CDH13: variants seen among roughly 807,000 people sequenced by gnomAD.
The protein encoded by CDH13 is cadherin-13.
CDH13 carries 24 observed loss-of-function variants against 63.8 expected under a neutral mutation model. The observed-to-expected ratio is 0.38, with a 90% CI of 0.27 to 0.53. The LOEUF (loss-of-function observed/expected upper bound fraction) is 0.53. CDH13 is among the 20% of genes least tolerant of loss of function. CDH13 has a pLI of 0.85. For missense variants in CDH13, 1,049 were observed against 903.1 expected, an observed-to-expected ratio of 1.16 and a Z score of -2.07; for synonymous variants, 503 against 355.3, an observed-to-expected ratio of 1.42 and a Z score of -4.67.
chr16:83,703,850 A>G (rs553692282), intron 10 of CDH13, among the ~76,000 whole-genome samples: 12 of 152,306 alleles, frequency 7.9e-5, no homozygotes, highest in African/African-American at 2.6e-4. Context: ...TGACTCCATA[A>G]TAGGCACGAA....
intron 1 of CDH13, among the ~76,000 whole-genome samples, chr16:82,666,701 A>G (rs1015813464): frequency 2.0e-5 from 3 of 152,234 alleles, no homozygotes; most frequent in East Asian, 1.9e-4. Context: ...TGTGGTGCAT[A>G]TCACAATGTA....
chr16:82,776,221 G>T (rs1004347771), intron 1 of CDH13, among the ~76,000 whole-genome samples: 3 of 149,548 alleles, frequency 2.0e-5, no homozygotes, highest in Non-Finnish European at 4.5e-5. Flanking sequence ...AAGGAAGGAA[G>T]GGATGAAGGA....
chr16:82,998,223 A>G (rs1941441652), intron 2 of CDH13, among the ~76,000 whole-genome samples: 1 of 152,208 alleles, frequency 6.6e-6, no homozygotes, highest in African/African-American at 2.4e-5. Context: ...TCCCTAGAAT[A>G]ACTATTTTCT....
intron 5 of CDH13, among the ~76,000 whole-genome samples, chr16:83,234,624 G>A (rs1029854350): frequency 1.3e-5 from 2 of 152,182 alleles, no homozygotes; most frequent in African/African-American, 2.4e-5. Context: ...TGATCACTTA[G>A]AAGTTAAGTC....
chr16:82,873,847 A>G (rs1025052574), intron 2 of CDH13, among the ~76,000 whole-genome samples: 5 of 152,038 alleles, frequency 3.3e-5, no homozygotes, highest in South Asian at 4.1e-4. Flanking sequence ...AAGAGAGCAT[A>G]TTTTCTTCCT....
intron 1 of CDH13, among the ~76,000 whole-genome samples, chr16:82,670,974 CAAT>C (rs1913170942): frequency 6.6e-6 from 1 of 152,160 alleles, no homozygotes; most frequent in Non-Finnish European, 1.5e-5. Flanking sequence ...ATCAATAACA[CAAT>C]GATGATTATC....
chr16:83,596,828 T>G (rs1765022291), intron 7 of CDH13, among the ~76,000 whole-genome samples: 1 of 152,212 alleles, frequency 6.6e-6, no homozygotes, highest in Non-Finnish European at 1.5e-5. Flanking sequence ...GTTTTGGGGA[T>G]TTTGTTACTG....
intron 2 of CDH13, among the ~76,000 whole-genome samples, chr16:82,895,293 C>A (rs555543110): frequency 2.8e-4 from 42 of 152,230 alleles, no homozygotes; most frequent in African/African-American, 9.6e-4. Flanking sequence ...GAAAAGACAC[C>A]CACACATATA....
intron 5 of CDH13, among the ~76,000 whole-genome samples, chr16:83,337,119 G>C (rs2090615338): frequency 6.6e-6 from 1 of 152,180 alleles, no homozygotes; most frequent in Non-Finnish European, 1.5e-5. Flanking sequence ...TCTTTTCAAA[G>C]CATTTTACGT....
At chr16:83,472,806 G>T (rs1045121930) in intron 6 of CDH13, among the ~76,000 whole-genome samples, 2 of 152,152 alleles carry the variant, frequency 1.3e-5, no homozygotes, top group Non-Finnish European at 2.9e-5. Context: ...AATATTTATT[G>T]AGCACCTACT....
intron 6 of CDH13, among the ~76,000 whole-genome samples, chr16:83,379,688 C>G (rs886339635): frequency 1.3e-5 from 2 of 152,062 alleles, no homozygotes; most frequent in African/African-American, 4.8e-5. Context: ...CAGCTCACAT[C>G]TGTGCACAAG....
At chr16:83,474,818 G>A (rs543606834) in intron 6 of CDH13, among the ~76,000 whole-genome samples, 1 of 152,194 alleles carries the variant, frequency 6.6e-6, no homozygotes, top group Admixed American at 6.5e-5. Flanking sequence ...TCCAAGCCTA[G>A]AGCAGTGACT....
chr16:83,483,734 A>G (rs1031224508), intron 6 of CDH13, among the ~76,000 whole-genome samples: 2 of 152,156 alleles, frequency 1.3e-5, no homozygotes, highest in African/African-American at 2.4e-5. Flanking sequence ...TCCCTGGGTA[A>G]GATCGCAGGC....
At chr16:83,036,250 A>G (rs190988676) in intron 3 of CDH13, among the ~76,000 whole-genome samples, 1 of 150,438 alleles carries the variant, frequency 6.6e-6, no homozygotes, top group Admixed American at 6.7e-5. Flanking sequence ...CCTGGGTTCA[A>G]GTGATTCTCC....
chr16:83,217,352 A>G lies in CDH13; in HGVS notation c.491A>G (p.Asp164Gly). The G allele has an allele frequency of 1.9e-6, 3 of 1,613,914 alleles. No individual in the cohort carries two copies. Among genetic ancestry groups the G allele is most frequent in the South Asian group, 2.2e-5 (2 of 91,074 alleles). ...PFPRDVGKVV[D>G]SDRPERSKFR... Reference sequence around the variant, plus strand: ...CTCTGTTTTTCTGACTAGGTAGTCGATAGTGACAGGCCAGAAAGGTCCAAG... The same window carrying G: ...CTCTGTTTTTCTGACTAGGTAGTCGGTAGTGACAGGCCAGAAAGGTCCAAG... The change falls in exon 5 of 14, where the codon GAT (aspartate) becomes GGT (glycine). Residue 164 changes from aspartate (D) to glycine (G), a missense_variant. Asp to Gly is a moderately conservative substitution (Grantham distance 94, BLOSUM62 -1). Transcript: ENST00000567109.
chr16:83,448,732 G>T (rs2072786495), intron 6 of CDH13, among the ~76,000 whole-genome samples: 1 of 152,160 alleles, frequency 6.6e-6, no homozygotes, highest in African/African-American at 2.4e-5. Flanking sequence ...CTGCAAGACA[G>T]CCCAGCTGGG....
chr16:82,817,551 T>G (rs957197942), intron 1 of CDH13, among the ~76,000 whole-genome samples: 2 of 152,036 alleles, frequency 1.3e-5, no homozygotes, highest in Non-Finnish European at 2.9e-5. Flanking sequence ...CACCTGTAAC[T>G]CCAGCACTTT....
At chr16:83,571,660 G>A (rs11649622) in intron 7 of CDH13, among the ~76,000 whole-genome samples, 28,557 of 152,090 alleles carry the variant, frequency 0.19, 2,696 homozygotes, top group Admixed American at 0.24. Flanking sequence ...AGCACAGGCA[G>A]TTTGCTCCTG....
rs61159679 is a variant in CDH13, at chr16:83,551,056, A to ATATCTATCTATCTATC, written c.961-51372_961-51357dup. ...GTTCCATGGCCCCCTTAAGTCATTT[A>ATATCTATCTATCTATC]TATCTATCTATCTATCTATCTATCT... On this transcript the variant is annotated intron_variant, in intron 7 of 13. Transcript: ENST00000567109. 4.3e-3 allele frequency among the ~76,000 whole-genome samples: 645 copies of ATATCTATCTATCTATC among 148,444 alleles called. 4 individuals carry two copies. The highest frequency in any genetic ancestry group is 6.7e-3 in the South Asian group (30 of 4,500).
Sources: gnomAD v4.1 joint callset for allele counts (sites outside exome capture counted in the v4.1 genomes callset) on GRCh38, gnomAD v4.1.1 for gene constraint, MANE v1.5 for transcripts, NCBI Gene and HGNC (gene_info 2026-07-23, HGNC 2026-07-21) for gene names.